The following HCN1 variants were observed in gnomAD, a reference collection of about 807,000 sequenced individuals.
The protein encoded by HCN1 is hyperpolarization activated cyclic nucleotide gated potassium channel 1.
A neutral mutation model predicts 78.9 loss-of-function variants in HCN1; 13 were observed. That is an observed-to-expected ratio of 0.16 (90% CI 0.11 to 0.26). The LOEUF (loss-of-function observed/expected upper bound fraction) is 0.26. Ranked by LOEUF, HCN1 falls within the 10% of genes least tolerant of loss-of-function variation. The pLI is 1.00. For synonymous variants in HCN1, 552 were observed against 455.5 expected, an observed-to-expected ratio of 1.21 and a Z score of -2.70; for missense variants, 810 against 1,154.3, an observed-to-expected ratio of 0.70 and a Z score of 4.32.
At chr5:45,387,165 AAGTTTTTAAT>A (rs1456761838) in intron 4 of HCN1, among the ~76,000 whole-genome samples, 1 of 151,914 alleles carries the variant, frequency 6.6e-6, no homozygotes, top group African/African-American at 2.4e-5. Context: ...TATATATCAA[AAGTTTTTAAT>A]TTGTATTTTA....
intron 6 of HCN1, among the ~76,000 whole-genome samples, chr5:45,291,722 G>C (rs906093224): frequency 4.3e-4 from 65 of 151,780 alleles, no homozygotes; most frequent in African/African-American, 1.5e-3. Flanking sequence ...TAGAGACAGG[G>C]TCTCACTATG....
intron 1 of HCN1, among the ~76,000 whole-genome samples, chr5:45,659,417 G>A (rs1279503719): frequency 3.3e-4 from 35 of 107,558 alleles, no homozygotes; most frequent in Admixed American, 1.0e-3. Flanking sequence ...CCAAAGGAAC[G>A]CAGTTCCTCA....
chr5:45,689,505 T>C (rs1656513394), intron 1 of HCN1, among the ~76,000 whole-genome samples: 1 of 152,070 alleles, frequency 6.6e-6, no homozygotes, highest in Non-Finnish European at 1.5e-5. Flanking sequence ...AATGATTAAA[T>C]GGAAATCTAA....
At chr5:45,637,708 C>A (rs997919058) in intron 2 of HCN1, among the ~76,000 whole-genome samples, 1 of 151,944 alleles carries the variant, frequency 6.6e-6, no homozygotes, top group Non-Finnish European at 1.5e-5. Context: ...AACATGAACA[C>A]ATATTTTCAT....
intron 2 of HCN1, among the ~76,000 whole-genome samples, chr5:45,635,660 A>G (rs1308885743): frequency 6.6e-6 from 1 of 152,104 alleles, no homozygotes; most frequent in Non-Finnish European, 1.5e-5. Flanking sequence ...AACCAAATGT[A>G]TTTCCTTTTC....
chr5:45,496,156 G>T (rs1742023310), intron 2 of HCN1, among the ~76,000 whole-genome samples: 1 of 152,064 alleles, frequency 6.6e-6, no homozygotes, highest in African/African-American at 2.4e-5. Context: ...CTATTGATTG[G>T]AATAGTTTCA....
At chr5:45,462,057 A>C in intron 2 of HCN1, 50 bp from the exon 3 acceptor site, 1 of 1,464,566 alleles carries the variant, frequency 6.8e-7, no homozygotes, top group Admixed American at 1.7e-5. Context: ...TTTTAGAAAA[A>C]TCAAGCATAC....
chr5:45,568,187 G>T (rs529979388), intron 2 of HCN1, among the ~76,000 whole-genome samples: 5 of 151,682 alleles, frequency 3.3e-5, no homozygotes, highest in Non-Finnish European at 5.9e-5. Context: ...TCTCTTTCTT[G>T]AGCAAATGTT....
At chr5:45,490,033 C>T (rs1186849547) in intron 2 of HCN1, among the ~76,000 whole-genome samples, 1 of 152,128 alleles carries the variant, frequency 6.6e-6, no homozygotes, top group African/African-American at 2.4e-5. Flanking sequence ...AACCTACTGA[C>T]AATACTTTTT....
intron 4 of HCN1, among the ~76,000 whole-genome samples, chr5:45,374,464 C>G (rs1747555843): frequency 6.7e-6 from 1 of 149,010 alleles, no homozygotes; most frequent in Non-Finnish European, 1.5e-5. Flanking sequence ...AAATGTAATC[C>G]TTATACAGAC....
At chr5:45,316,067 AG>A (rs1380840676) in intron 5 of HCN1, among the ~76,000 whole-genome samples, 1 of 152,226 alleles carries the variant, frequency 6.6e-6, no homozygotes, top group East Asian at 1.9e-4. Flanking sequence ...TCATTTTATG[AG>A]GCCAGCATCA....
At chr5:45,371,696 G>T (rs541105086) in intron 4 of HCN1, among the ~76,000 whole-genome samples, 11 of 149,338 alleles carry the variant, frequency 7.4e-5, no homozygotes, top group Non-Finnish European at 1.5e-4. Context: ...GGCGAAGGTT[G>T]CAGTGAGCCA....
chr5:45,628,935 T>C (rs1745221325), intron 2 of HCN1, among the ~76,000 whole-genome samples: 1 of 151,370 alleles, frequency 6.6e-6, no homozygotes, highest in Non-Finnish European at 1.5e-5. Flanking sequence ...ATCATGTCAT[T>C]GTACTCCAGC....
intron 5 of HCN1, among the ~76,000 whole-genome samples, chr5:45,315,650 A>C (rs1219786893): frequency 6.6e-6 from 1 of 152,162 alleles, no homozygotes; most frequent in Non-Finnish European, 1.5e-5. Context: ...AGATCAAGAA[A>C]ATTGATAGAG....
chr5:45,324,890 A>G (rs1357590971), intron 5 of HCN1, among the ~76,000 whole-genome samples: 1 of 151,808 alleles, frequency 6.6e-6, no homozygotes, highest in Non-Finnish European at 1.5e-5. Context: ...TAAACAAAAT[A>G]AAACATCATT....
At chr5:45,540,478 A>C (rs932914605) in intron 2 of HCN1, among the ~76,000 whole-genome samples, 1 of 151,942 alleles carries the variant, frequency 6.6e-6, no homozygotes, top group Non-Finnish European at 1.5e-5. Context: ...ACAGGCACAC[A>C]ACACCATGCC....
At chr5:45,300,930 G>A (rs914364820) in intron 6 of HCN1, among the ~76,000 whole-genome samples, 19 of 151,988 alleles carry the variant, frequency 1.3e-4, no homozygotes, top group Non-Finnish European at 2.6e-4. Flanking sequence ...TAACAAGAAA[G>A]AATAGTGGAA....
chr5:45,472,155 C>G (rs774986504), intron 2 of HCN1, among the ~76,000 whole-genome samples: 4 of 151,792 alleles, frequency 2.6e-5, no homozygotes, highest in Non-Finnish European at 5.9e-5. Flanking sequence ...GTCATAGTAC[C>G]CTTTAACATG....
At chr5:45,530,129 C>T (rs1742807691) in intron 2 of HCN1, among the ~76,000 whole-genome samples, 1 of 152,244 alleles carries the variant, frequency 6.6e-6, no homozygotes, top group Non-Finnish European at 1.5e-5. Flanking sequence ...TGAGTTTTGA[C>T]TCCAGTGATT....
Sources: gnomAD v4.1 joint callset for allele counts (sites outside exome capture counted in the v4.1 genomes callset) on GRCh38, gnomAD v4.1.1 for gene constraint, MANE v1.5 for transcripts, NCBI Gene and HGNC (gene_info 2026-07-23, HGNC 2026-07-21) for gene names.